The following MICU3 variants were observed in gnomAD, a reference collection of about 807,000 sequenced individuals.
The protein encoded by MICU3 is calcium uptake protein 3, mitochondrial.
A neutral mutation model predicts 66.5 loss-of-function variants in MICU3; 62 were observed. The observed-to-expected ratio is 0.93, with a 90% CI of 0.76 to 1.15. The LOEUF is 1.15. Among genes scored for constraint, MICU3 ranks in the 50% most tolerant of loss-of-function variants. The pLI, the probability that MICU3 is intolerant of heterozygous loss-of-function variation, is 0.00. For synonymous variants in MICU3, 308 were observed against 240.7 expected (o/e 1.28, Z -2.59); for missense variants, 779 against 664.4 (o/e 1.17, Z -1.90).
intron 1 of MICU3, among the ~76,000 whole-genome samples, chr8:17,047,406 G>T (rs555091882): frequency 6.6e-6 from 1 of 152,266 alleles, no homozygotes; most frequent in South Asian, 2.1e-4. Context: ...TCTATTAGGG[G>T]TTACAGATGA....
At chr8:17,076,519 G>GA (rs1236298550) in intron 3 of MICU3, among the ~76,000 whole-genome samples, 1 of 151,998 alleles carries the variant, frequency 6.6e-6, no homozygotes, top group Non-Finnish European at 1.5e-5. Flanking sequence ...ACAGAAACAT[G>GA]AAAAACACAA....
Position 17,034,076 on chromosome 8 carries a change from C to G in MICU3, c.381+6416C>G, listed in dbSNP as rs187076867. Among the ~76,000 whole-genome samples, 244 of 152,230 alleles carry G rather than the reference C, an allele frequency of 1.6e-3. 2 individuals carry two copies. In the East Asian group the frequency reaches 0.03, roughly 19 times the overall value. On this transcript the variant is annotated intron_variant, in intron 1 of 14. Coordinates refer to ENST00000318063, the MANE Select transcript of MICU3 (RefSeq NM_181723.3). The stretch of plus-strand genomic sequence containing the variant: ...GATAGGCTGGCCCTTTTGTTAGGGG[C>G]TAATGCAGCTGGTGACTTGAAGTTG...
intron 1 of MICU3, among the ~76,000 whole-genome samples, chr8:17,030,976 T>G (rs1811928709): frequency 6.6e-6 from 1 of 152,178 alleles, no homozygotes; most frequent in South Asian, 2.1e-4. Flanking sequence ...CTTTTGTATT[T>G]TTACCTTTTT....
At chr8:17,113,965 T>G in intron 11 of MICU3, 128 bp from the exon 12 acceptor site, 1 of 545,032 alleles carries the variant, frequency 1.8e-6, no homozygotes, top group South Asian at 3.3e-5. Flanking sequence ...CGTCAAAATG[T>G]GCCCTGGAAA....
At chr8:17,123,023 T>G (rs1323951755), downstream of MICU3, among the ~76,000 whole-genome samples, 2 of 152,020 alleles carry the variant, frequency 1.3e-5, no homozygotes, top group African/African-American at 4.8e-5. Context: ...ATATAGTAAA[T>G]TAACACTTTT....
chr8:17,064,004 C>T, intron 1 of MICU3, 80 bp from the exon 2 acceptor site: 1 of 1,089,612 alleles, frequency 9.2e-7, no homozygotes, highest in Non-Finnish European at 1.3e-6. Context: ...TGTTTATTCA[C>T]TTTCAACATA....
chr8:17,073,680 AG>A (rs1430729106), intron 3 of MICU3, among the ~76,000 whole-genome samples: 1 of 152,138 alleles, frequency 6.6e-6, no homozygotes, highest in East Asian at 1.9e-4. Context: ...GGTGCCAAAA[AG>A]GTTGGGGACT....
intron 1 of MICU3, among the ~76,000 whole-genome samples, chr8:17,050,142 C>T (rs1490403820): frequency 6.6e-6 from 1 of 152,024 alleles, no homozygotes; most frequent in Non-Finnish European, 1.5e-5. Flanking sequence ...ATTGAATTGT[C>T]GGATCTATAG....
intron 10 of MICU3, among the ~76,000 whole-genome samples, chr8:17,105,128 G>A (rs959332564): frequency 6.6e-6 from 1 of 151,236 alleles, no homozygotes; most frequent in African/African-American, 2.4e-5. Flanking sequence ...AGTAGTTTAA[G>A]TATCATTGCT....
chr8:17,047,420 G>A (rs1815275179), intron 1 of MICU3, among the ~76,000 whole-genome samples: 1 of 152,150 alleles, frequency 6.6e-6, no homozygotes, highest in Non-Finnish European at 1.5e-5. Context: ...CAGATGAGGA[G>A]GAGAGAGAAT....
At chr8:17,073,041 C>T (rs1035318395) in intron 3 of MICU3, among the ~76,000 whole-genome samples, 2 of 151,936 alleles carry the variant, frequency 1.3e-5, no homozygotes, top group Non-Finnish European at 2.9e-5. Context: ...CAGGCACACA[C>T]CACCATGCCC....
At chr8:17,093,782 A>G (rs1328896324) in intron 8 of MICU3, among the ~76,000 whole-genome samples, 1 of 151,924 alleles carries the variant, frequency 6.6e-6, no homozygotes, top group Non-Finnish European at 1.5e-5. Context: ...TGAATATACT[A>G]CCTACCTCTA....
chr8:17,042,823 T>C (rs537420414), intron 1 of MICU3, among the ~76,000 whole-genome samples: 3 of 152,272 alleles, frequency 2.0e-5, no homozygotes, highest in Non-Finnish European at 4.4e-5. Context: ...AAGGATGATA[T>C]CTATCCAGTT....
chr8:17,084,297 A>G (rs143986264), intron 5 of MICU3, among the ~76,000 whole-genome samples: 4 of 152,238 alleles, frequency 2.6e-5, no homozygotes, highest in Admixed American at 2.0e-4. Context: ...GTAAATTTGT[A>G]TTAGATTTCT....
chr8:17,068,844 T>G (rs1819110164), intron 2 of MICU3, among the ~76,000 whole-genome samples: 1 of 152,142 alleles, frequency 6.6e-6, no homozygotes, highest in Non-Finnish European at 1.5e-5. Context: ...TTGGCATTAT[T>G]GTAATGTAGC....
chr8:17,065,563 G>GT (rs1286989225), intron 2 of MICU3, among the ~76,000 whole-genome samples: 1 of 152,170 alleles, frequency 6.6e-6, no homozygotes, highest in Admixed American at 6.5e-5. Context: ...GGACATAGGA[G>GT]TGGCCAGAGA....
At chr8:17,078,697 T>C (rs968571250) in intron 4 of MICU3, among the ~76,000 whole-genome samples, 22 of 151,900 alleles carry the variant, frequency 1.4e-4, no homozygotes, top group Admixed American at 1.4e-3. Context: ...TTTGAAGGAG[T>C]AGTTATAATT....
intron 1 of MICU3, among the ~76,000 whole-genome samples, chr8:17,057,214 C>G (rs1034608377): frequency 1.3e-5 from 2 of 152,142 alleles, no homozygotes; most frequent in Non-Finnish European, 2.9e-5. Context: ...TAAGCATGCA[C>G]TGCAGTTCCA....
At chr8:17,099,327 T>C (rs544934287) in intron 9 of MICU3, among the ~76,000 whole-genome samples, 6 of 151,754 alleles carry the variant, frequency 4.0e-5, no homozygotes, top group Non-Finnish European at 7.4e-5. Context: ...TCATTATCTC[T>C]TTCTCTTTAC....
Sources: allele counts gnomAD v4.1 joint callset (sites outside exome capture counted in the v4.1 genomes callset), GRCh38; gene constraint gnomAD v4.1.1; transcripts MANE v1.5; gene names NCBI Gene and HGNC (gene_info 2026-07-23, HGNC 2026-07-21).